The following BASP1 variants were observed in gnomAD, a reference collection of about 807,000 sequenced individuals.
BASP1 encodes brain abundant membrane attached signal protein 1.
Under a neutral mutation model 2.2 loss-of-function variants are expected in BASP1, and 1 was observed. That is an observed-to-expected ratio of 0.46 (90% CI 0.16 to 2.17). The LOEUF (loss-of-function observed/expected upper bound fraction) is 2.17, where lower values mean the gene tolerates loss of function less well. Ranked by LOEUF, BASP1 falls within the 30% of genes most tolerant of loss-of-function variation. The probability of loss-of-function intolerance (pLI) is 0.27; values close to 1 mark genes in which losing one functional copy is unlikely to be tolerated. For missense variants in BASP1, 352 were observed against 327.2 expected (o/e 1.08, Z -0.58); for synonymous variants, 187 against 154.2 (o/e 1.21, Z -1.58).
chr5:17,242,215 A>G (rs1739876792), intron 1 of BASP1, among the ~76,000 whole-genome samples: 1 of 152,206 alleles, frequency 6.6e-6, no homozygotes, highest in South Asian at 2.1e-4. Flanking sequence ...AATTTGATCA[A>G]TGACTCAGTT....
In BASP1 at chr5:17,228,397, G is replaced by T. The variant is rs77542297; in HGVS notation, c.-10+10587G>T. ...TAAGAACTGTAGTGTTAAATGAAATGAATTCTTAATGGGAAAGGAGTCCTA... is the reference window on the plus strand; with the variant it reads ...TAAGAACTGTAGTGTTAAATGAAATTAATTCTTAATGGGAAAGGAGTCCTA... On this transcript the variant is annotated intron_variant, in intron 1 of 1. Transcript: ENST00000322611. Among the ~76,000 whole-genome samples, 385 of 152,288 alleles carry T rather than the reference G, an allele frequency of 2.5e-3. 8 individuals carry two copies. In the East Asian group the frequency reaches 0.053, roughly 21 times the overall value.
chr5:17,241,856 A>C (rs922696655), intron 1 of BASP1, among the ~76,000 whole-genome samples: 2 of 152,210 alleles, frequency 1.3e-5, no homozygotes, highest in African/African-American at 4.8e-5. Flanking sequence ...CAAGGCTGCA[A>C]AACAAGTACG....
Position 17,275,794 on chromosome 5 carries a change from C to G in BASP1, c.578C>G (p.Pro193Arg). 1 of 1,613,118 alleles carries G rather than the reference C, an allele frequency of 6.2e-7. No individual in the cohort carries two copies. Among genetic ancestry groups the G allele is most frequent in the Non-Finnish European group, 8.5e-7 (1 of 1,179,722 alleles). Residue 193 changes from proline (P) to arginine (R), a missense_variant, in exon 2 of 2, where the codon CCT becomes CGT. Physicochemically the swap from Pro to Arg is moderately radical, Grantham distance 103. Transcript: ENST00000322611. The surrounding 1 kb of genome is among the most constrained non-coding windows in gnomAD (Gnocchi z 5.3). ...GAGACCCCCGCAGCCACGGAAGCGC[C>G]TAGTTCCACACCCAAGGCCCAGGGC... ...SKETPAATEA[P>R]SSTPKAQGPA...
intron 1 of BASP1, among the ~76,000 whole-genome samples, chr5:17,245,619 T>G (rs1227723530): frequency 6.6e-6 from 1 of 152,080 alleles, no homozygotes; most frequent in Admixed American, 6.5e-5. Flanking sequence ...CCTTTAAAAA[T>G]TAGTAGGCTC....
intron 1 of BASP1, among the ~76,000 whole-genome samples, chr5:17,252,053 C>T (rs977324005): frequency 2.0e-5 from 3 of 151,944 alleles, no homozygotes; most frequent in Non-Finnish European, 2.9e-5. Flanking sequence ...GATGACAGCC[C>T]CTTGAACCTT....
chr5:17,254,974 G>A (rs952519036), intron 1 of BASP1, among the ~76,000 whole-genome samples: 1 of 152,162 alleles, frequency 6.6e-6, no homozygotes, highest in East Asian at 1.9e-4. Context: ...GCAGGTGGTC[G>A]TAGATAATTT....
rs1740289384 is a variant in BASP1, at chr5:17,260,200, T to C, written c.-9-15008T>C. On this transcript the variant is annotated intron_variant, in intron 1 of 1. Coordinates refer to ENST00000322611, the MANE Select transcript of BASP1 (RefSeq NM_006317.5). The surrounding 1 kb of genome is among the most constrained non-coding windows in gnomAD (Gnocchi z 4.2). Reference sequence around the variant, plus strand: ...TATTGACGAGAATGAATAATGCATGTTTCCTGATAGTGTTTGCTACATGTG... The same window carrying C: ...TATTGACGAGAATGAATAATGCATGCTTCCTGATAGTGTTTGCTACATGTG... Among the ~76,000 whole-genome samples, 1 of 152,234 alleles carries C rather than the reference T, an allele frequency of 6.6e-6. No individual in the cohort carries two copies. Among genetic ancestry groups the C allele is most frequent in the African/African-American group, 2.4e-5 (1 of 41,456 alleles).
chr5:17,223,960 A>G (rs1361820614), intron 1 of BASP1, among the ~76,000 whole-genome samples: 1 of 152,210 alleles, frequency 6.6e-6, no homozygotes, highest in Non-Finnish European at 1.5e-5. Flanking sequence ...TAAAACTGAA[A>G]GTTGTATTAT....
chr5:17,244,619 C>T (rs1014740652), intron 1 of BASP1, among the ~76,000 whole-genome samples: 5 of 151,356 alleles, frequency 3.3e-5, no homozygotes, highest in Admixed American at 6.6e-5. Flanking sequence ...TTTTGGCCTT[C>T]GTGGGACTTG....
chr5:17,259,827 T>C (rs536812412), intron 1 of BASP1, among the ~76,000 whole-genome samples: 1 of 152,248 alleles, frequency 6.6e-6, no homozygotes, highest in Non-Finnish European at 1.5e-5. Flanking sequence ...AAGCCCATCA[T>C]GGTCTGTCTA....
chr5:17,270,123 C>T (rs1740500773), intron 1 of BASP1, among the ~76,000 whole-genome samples: 1 of 152,162 alleles, frequency 6.6e-6, no homozygotes, highest in African/African-American at 2.4e-5. Flanking sequence ...GCCTCAGCCT[C>T]CTGAGTAGCT....
intron 1 of BASP1, among the ~76,000 whole-genome samples, chr5:17,273,579 T>A (rs772947067): frequency 1.3e-5 from 2 of 152,196 alleles, no homozygotes; most frequent in Non-Finnish European, 2.9e-5. Context: ...AAGAATTCAT[T>A]TTCTTCCACC....
In BASP1 at chr5:17,236,876, A is replaced by G. The variant is rs1739757562; in HGVS notation, c.-10+19066A>G. Among the ~76,000 whole-genome samples, 1 of 152,196 alleles carries G rather than the reference A, an allele frequency of 6.6e-6. No individual in the cohort carries two copies. The highest frequency in any genetic ancestry group is 1.5e-5 in the Non-Finnish European group (1 of 68,032). On this transcript the variant is annotated intron_variant, in intron 1 of 1. Transcript: ENST00000322611. This position sits in a 1 kb window ranked among gnomAD's most constrained non-coding sequence, Gnocchi z 4.0. ...CTTCAGAAAAAAATTCTTAATAGGC[A>G]GTCGATGTAAATAAAACAAAATTCT...
chr5:17,248,645 C>T (rs922433853), intron 1 of BASP1, among the ~76,000 whole-genome samples: 36 of 152,086 alleles, frequency 2.4e-4, no homozygotes, highest in South Asian at 8.3e-4. Context: ...TCAGGCACTT[C>T]GGTATTCTTT....
chr5:17,220,223 G>A (rs1739370345), intron 1 of BASP1, among the ~76,000 whole-genome samples: 1 of 152,018 alleles, frequency 6.6e-6, no homozygotes. Flanking sequence ...ATATATCAGG[G>A]CCCATCTACT....
intron 1 of BASP1, among the ~76,000 whole-genome samples, chr5:17,274,803 T>G (rs1031444134): frequency 6.6e-6 from 1 of 152,244 alleles, no homozygotes; most frequent in Non-Finnish European, 1.5e-5. Context: ...TTAATTGAGC[T>G]CCTTAATGTT....
intron 1 of BASP1, among the ~76,000 whole-genome samples, chr5:17,252,229 A>T (rs768352135): frequency 3.9e-5 from 6 of 152,144 alleles, no homozygotes; most frequent in Admixed American, 2.6e-4. Flanking sequence ...TTCGGCTATT[A>T]TTTTTTGGTA....
At chr5:17,265,988 C>A (rs981795390) in intron 1 of BASP1, among the ~76,000 whole-genome samples, 1 of 152,170 alleles carries the variant, frequency 6.6e-6, no homozygotes, top group African/African-American at 2.4e-5. Flanking sequence ...CATAATAAGT[C>A]CTGCTGAAGA....
At chr5:17,253,382 T>C (rs1381330435) in intron 1 of BASP1, among the ~76,000 whole-genome samples, 1 of 152,234 alleles carries the variant, frequency 6.6e-6, no homozygotes, top group South Asian at 2.1e-4. Context: ...AGCTAATTCT[T>C]TGTATTTTTT....
Sources: gnomAD v4.1 joint callset for allele counts (sites outside exome capture counted in the v4.1 genomes callset) on GRCh38, gnomAD v4.1.1 for gene constraint, Gnocchi (gnomAD v3.1) non-coding constraint, MANE v1.5 for transcripts, NCBI Gene and HGNC (gene_info 2026-07-23, HGNC 2026-07-21) for gene names.